ETV6: variants seen among roughly 807,000 people sequenced by gnomAD.
The protein encoded by ETV6 is transcription factor ETV6.
A neutral mutation model predicts 51.1 loss-of-function variants in ETV6; 16 were observed. The ratio of observed to expected loss-of-function variants is 0.31; its 90% confidence interval spans 0.21 to 0.48. The LOEUF is 0.48. ETV6 is among the 20% of genes least tolerant of loss of function. The pLI is 0.99. For missense variants in ETV6, 458 were observed against 594.8 expected, an observed-to-expected ratio of 0.77 and a Z score of 2.39; for synonymous variants, 240 against 224.1, an observed-to-expected ratio of 1.07 and a Z score of -0.64.
At chr12:11,749,858 G>A (rs1865989287) in intron 1 of ETV6, among the ~76,000 whole-genome samples, 1 of 152,148 alleles carries the variant, frequency 6.6e-6, no homozygotes, top group Non-Finnish European at 1.5e-5. Context: ...GAGTGCTCGG[G>A]GCCCTAGAAG....
chr12:11,883,276 C>CTTCTTCTTTTTTTTTTTTTTTTT (rs776231778), intron 5 of ETV6, among the ~76,000 whole-genome samples: 5 of 79,116 alleles, frequency 6.3e-5, no homozygotes, highest in East Asian at 3.8e-4. Context: ...ATGTCTTCTT[C>CTTCTTCTTTTTTTTTTTTTTTTT]TTTTTTTTTT....
In ETV6 at chr12:11,733,282, C is replaced by T. The variant is rs1865636073; in HGVS notation, c.34-19168C>T. Among the ~76,000 whole-genome samples, 4 of 151,982 alleles carry T rather than the reference C, an allele frequency of 2.6e-5. No homozygotes were observed. The South Asian group carries it at 8.3e-4, about 32-fold the overall frequency. On this transcript the variant is annotated intron_variant, in intron 1 of 7. Transcript: ENST00000396373. ...ATTTAGCCAGGCATGGTGGCAGGTG[C>T]CTGTAGTCCCAGCTGCTCGGGAGGC...
intron 1 of ETV6, among the ~76,000 whole-genome samples, chr12:11,730,511 G>T (rs1309708281): frequency 1.3e-5 from 2 of 152,214 alleles, no homozygotes; most frequent in Non-Finnish European, 2.9e-5. Flanking sequence ...AGGATTTAGA[G>T]TTCTAAGGAC....
intron 3 of ETV6, among the ~76,000 whole-genome samples, chr12:11,841,312 T>A (rs1344561242): frequency 6.9e-6 from 1 of 144,266 alleles, no homozygotes; most frequent in Non-Finnish European, 1.5e-5. Flanking sequence ...ACTGTCCAGT[T>A]AGAGGCAGGA....
At chr12:11,742,057 C>T (rs918662757) in intron 1 of ETV6, among the ~76,000 whole-genome samples, 2 of 152,208 alleles carry the variant, frequency 1.3e-5, no homozygotes, top group South Asian at 4.1e-4. Context: ...TGCATATTTT[C>T]TATGTACTGT....
chr12:11,661,057 A>G (rs1222923452), intron 1 of ETV6, among the ~76,000 whole-genome samples: 1 of 152,212 alleles, frequency 6.6e-6, no homozygotes, highest in Non-Finnish European at 1.5e-5. Context: ...TGGCGTGATC[A>G]TAGCTCACCG....
chr12:11,882,846 A>C (rs1332118689), intron 5 of ETV6, among the ~76,000 whole-genome samples: 1 of 152,220 alleles, frequency 6.6e-6, no homozygotes, highest in Non-Finnish European at 1.5e-5. Context: ...TCCAAGTCTC[A>C]ACTGGACACT....
chr12:11,857,098 A>T (rs1411426008), intron 4 of ETV6, among the ~76,000 whole-genome samples: 2 of 152,228 alleles, frequency 1.3e-5, no homozygotes, highest in Admixed American at 6.5e-5. Context: ...GCATCATTCA[A>T]CCGCCTTGTG....
chr12:11,787,328 G>C (rs773376859), intron 2 of ETV6, among the ~76,000 whole-genome samples: 2 of 152,104 alleles, frequency 1.3e-5, no homozygotes, highest in South Asian at 2.1e-4. Context: ...ACTGAGTTAC[G>C]CTGTGAGTGT....
chr12:11,733,377 C>T (rs1865638007), intron 1 of ETV6, among the ~76,000 whole-genome samples: 1 of 126,280 alleles, frequency 7.9e-6, no homozygotes, highest in African/African-American at 3.2e-5. Context: ...CACTGCAGTG[C>T]AGCCTGGGAG....
In ETV6 at chr12:11,752,558, A is replaced by T. The variant is rs775555383; in HGVS notation, c.142A>T (p.Ile48Phe). The change falls in exon 2 of 8, where the codon ATC (isoleucine) becomes TTC (phenylalanine). Residue 48 changes from isoleucine to phenylalanine, a missense_variant. This residue lies in a region of ETV6 where 84 missense variants were observed against 75.9 expected (regional missense o/e 1.11). Coordinates refer to ENST00000396373, the MANE Select transcript of ETV6 (RefSeq NM_001987.5). ...AGCGCTCAGGATGGAGGAAGACTCG[A>T]TCCGCCTGCCTGCGCACCTGCGTGA... ...PRALRMEEDS[I>F]RLPAHLRLQP... 1 of 1,613,230 alleles carries T rather than the reference A, an allele frequency of 6.2e-7. No homozygotes were observed. The highest frequency in any genetic ancestry group is 8.5e-7 in the Non-Finnish European group (1 of 1,179,934).
intron 2 of ETV6, among the ~76,000 whole-genome samples, chr12:11,774,111 T>C (rs1025149130): frequency 6.0e-5 from 9 of 151,254 alleles, no homozygotes; most frequent in African/African-American, 2.2e-4. Context: ...GAAGAGGAAG[T>C]TGGCAGATCT....
intron 1 of ETV6, among the ~76,000 whole-genome samples, chr12:11,658,069 T>C (rs1864034146): frequency 6.6e-6 from 1 of 152,184 alleles, no homozygotes. Context: ...CTCTTAGGGT[T>C]GTTGGGATAT....
chr12:11,730,009 G>A (rs1015779387), intron 1 of ETV6, among the ~76,000 whole-genome samples: 5 of 152,230 alleles, frequency 3.3e-5, no homozygotes, highest in South Asian at 2.1e-4. Flanking sequence ...CCATCTATGC[G>A]TTACTGGGGG....
At chr12:11,867,124 CT>C (rs1185436723) in intron 4 of ETV6, among the ~76,000 whole-genome samples, 1 of 152,198 alleles carries the variant, frequency 6.6e-6, no homozygotes, top group Non-Finnish European at 1.5e-5. Flanking sequence ...TTTGTCTGCC[CT>C]TGATACCTTC....
At chr12:11,704,321 A>G (rs964063798) in intron 1 of ETV6, among the ~76,000 whole-genome samples, 1 of 152,140 alleles carries the variant, frequency 6.6e-6, no homozygotes, top group South Asian at 2.1e-4. Flanking sequence ...GGATAGCGGA[A>G]GAAGGGGAAG....
rs1022927909 is a variant in ETV6 at position 11,845,948 on chromosome 12, C to T, written c.328+6644C>T. ...CGGAGGTTGCAGTGAGCCGAGATCA[C>T]GCCATTGCTCTCCAGCCTGGGCAAC... On this transcript the variant is annotated intron_variant, in intron 3 of 7. Transcript: ENST00000396373. Among the ~76,000 whole-genome samples the T allele has an allele frequency of 8.6e-5, 13 of 151,372 alleles. 1 individual carries two copies. The highest frequency in any genetic ancestry group is 3.4e-3 in the Middle Eastern group (1 of 292).
At chr12:11,717,369 C>A (rs533334716) in intron 1 of ETV6, among the ~76,000 whole-genome samples, 1 of 152,332 alleles carries the variant, frequency 6.6e-6, no homozygotes, top group African/African-American at 2.4e-5. Context: ...ATATCTGCTT[C>A]CTGCTGATTT....
intron 2 of ETV6, among the ~76,000 whole-genome samples, chr12:11,810,076 C>T: frequency 6.6e-6 from 1 of 152,092 alleles, no homozygotes; most frequent in East Asian, 1.9e-4. Context: ...ACTTCAACCT[C>T]CCAAAGTGCT....
Sources: allele counts gnomAD v4.1 joint callset (sites outside exome capture counted in the v4.1 genomes callset), GRCh38; gene constraint gnomAD v4.1.1; regional missense constraint gnomAD v4.1.1; transcripts MANE v1.5; gene names NCBI Gene and HGNC (gene_info 2026-07-23, HGNC 2026-07-21).